SLC8B1: variants seen among roughly 807,000 people sequenced by gnomAD.
SLC8B1 encodes the protein mitochondrial sodium/calcium exchanger protein.
A neutral mutation model predicts 63.4 loss-of-function variants in SLC8B1; 52 were observed. The ratio of observed to expected loss-of-function variants is 0.82; its 90% CI spans 0.66 to 1.03. The LOEUF is 1.03. SLC8B1 is among the 50% of genes least tolerant of loss of function. SLC8B1 has a pLI of 0.00. For missense variants in SLC8B1, 657 were observed against 741.7 expected (o/e 0.89, Z 1.33); for synonymous variants, 336 against 323.9 (o/e 1.04, Z -0.40).
chr12:113,332,583 G>A, intron 2 of SLC8B1, 140 bp downstream of exon 2: 2 of 1,014,886 alleles, frequency 2.0e-6, no homozygotes, highest in South Asian at 3.5e-5. Flanking sequence ...CTTCTTGAGA[G>A]TAGTGAATTT....
At chr12:113,309,394 G>A (rs754683789) in intron 12 of SLC8B1, among the ~76,000 whole-genome samples, 5 of 152,130 alleles carry the variant, frequency 3.3e-5, no homozygotes, top group Non-Finnish European at 5.9e-5. Flanking sequence ...TCTTTAGAGT[G>A]CCTAGACTAG....
At chr12:113,313,999 C>T (rs1489708025) in intron 11 of SLC8B1, among the ~76,000 whole-genome samples, 1 of 151,972 alleles carries the variant, frequency 6.6e-6, no homozygotes, top group Non-Finnish European at 1.5e-5. Context: ...GACAGTCAGA[C>T]TACGTCTCAA....
intron 12 of SLC8B1, 185 bp from the exon 13 acceptor site, chr12:113,308,029 A>G (rs957761119): frequency 7.3e-6 from 5 of 681,362 alleles, no homozygotes; most frequent in Non-Finnish European, 1.1e-5. Flanking sequence ...TGAGTTCAAT[A>G]TTATTTTCTT....
chr12:113,301,378 C>G (rs1361040855), intron 15 of SLC8B1, among the ~76,000 whole-genome samples: 1 of 146,742 alleles, frequency 6.8e-6, no homozygotes, highest in African/African-American at 2.5e-5. Context: ...CTCTTGTTGC[C>G]CAGGCTGGAG....
At chr12:113,319,111 G>C (rs748436497) in intron 7 of SLC8B1, 40 bp from the exon 8 acceptor site, 4 of 1,509,394 alleles carry the variant, frequency 2.7e-6, no homozygotes, top group Admixed American at 1.7e-5. Flanking sequence ...TGGTGTCCTG[G>C]TGCAGGTCTA....
rs1185217726 is a variant in SLC8B1 at position 113,335,088 on chromosome 12, G to C, written c.-728C>G. 2 of 152,452 alleles carry C rather than the reference G, an allele frequency of 1.3e-5. No individual in the cohort carries two copies. Among genetic ancestry groups the C allele is most frequent in the Non-Finnish European group, 2.9e-5 (2 of 68,228 alleles). The allele number at this position is 152,452 out of a possible 1,614,324, so 9.4% of individuals were successfully genotyped here. On this transcript the variant is annotated 5_prime_UTR_variant, in exon 1 of 16. Transcript: ENST00000680972. ...TGGCCGCCGGACCGACCTTGCGCCA[G>C]CGAAGCCGCCAGTCCGGGTGCCCCG... is the stretch of plus-strand genomic sequence containing the variant.
Position 113,321,113 on chromosome 12 carries a change from G to A in SLC8B1, c.310-5C>T, listed in dbSNP as rs1956921058. On this transcript the variant is annotated splice_region_variant and splice_polypyrimidine_tract_variant and intron_variant, in intron 3 of 15. Coordinates refer to ENST00000680972, the MANE Select transcript of SLC8B1 (RefSeq NM_001358345.2). ...CAGGTAGAGCAGCCAGGAAACCTGG[G>A]TGGGGAGCGGGCGAGGAAGGGAGAG... is the stretch of plus-strand genomic sequence containing the variant. 4.3e-6 allele frequency: 7 copies of A among 1,613,952 alleles called. No homozygotes were observed. The East Asian group carries it at 1.3e-4, about 31-fold the overall frequency.
rs755906969 is a variant in SLC8B1 at position 113,310,252 on chromosome 12, C to T, written c.1239G>A (p.Gln413=). The part of the protein sequence containing the change: ...SVTFFATSDS[Q]PPRLHWLFAF... ...TTCTTACCCAGTGAAGCCTGGGGGG[C>T]TGGCTGTCAGATGTGGCAAAAAAGG... The change falls in exon 12 of 16, where the codon CAG becomes CAA. Residue 413 remains glutamine, a synonymous_variant. Coordinates refer to ENST00000680972, the MANE Select transcript of SLC8B1 (RefSeq NM_001358345.2). 2 of 1,613,926 alleles carry T rather than the reference C, an allele frequency of 1.2e-6. No homozygotes were observed. The highest frequency in any genetic ancestry group is 1.7e-6 in the Non-Finnish European group (2 of 1,179,940).
intron 11 of SLC8B1, among the ~76,000 whole-genome samples, chr12:113,312,317 C>T (rs1956775634): frequency 6.6e-6 from 1 of 152,024 alleles, no homozygotes; most frequent in Non-Finnish European, 1.5e-5. Context: ...ACCTGTAATC[C>T]CAGCTACTTG....
At position 113,299,936 on chromosome 12, in the gene SLC8B1, G is replaced by T. The variant is rs751541902; in HGVS notation, c.1596C>A (p.Gly532=). The T allele has an allele frequency of 6.2e-7, 1 of 1,613,864 alleles. No homozygotes were observed. Among genetic ancestry groups the T allele is most frequent in the South Asian group, 1.1e-5 (1 of 91,072 alleles). The change falls in exon 16 of 16, where the codon GGC becomes GGA. Residue 532 remains glycine, a synonymous_variant. Transcript: ENST00000680972. The part of the protein sequence containing the change: ...PDGLLVWVLA[G]ALGLSLVFSL... ...AGAAGACGAGGCTGAGCCCCAGGGCGCCTGCCAGGACCCACACCAGCAGTC... is the reference window on the plus strand; with the variant it reads ...AGAAGACGAGGCTGAGCCCCAGGGCTCCTGCCAGGACCCACACCAGCAGTC...
chr12:113,317,674 G>C (rs1007584682), intron 8 of SLC8B1, among the ~76,000 whole-genome samples: 2 of 152,216 alleles, frequency 1.3e-5, no homozygotes, highest in Admixed American at 6.5e-5. Context: ...GGCCCTCCTC[G>C]AGTGAGGAGT....
At chr12:113,302,840 T>G (rs1389150392) in intron 15 of SLC8B1, 5 of 399,984 alleles carry the variant, frequency 1.3e-5, no homozygotes, top group African/African-American at 4.1e-5. Flanking sequence ...TCTAGACATG[T>G]ACATCAATTC....
intron 2 of SLC8B1, among the ~76,000 whole-genome samples, chr12:113,326,372 T>A (rs60986010): frequency 0.12 from 18,410 of 152,220 alleles, 1,258 homozygotes; most frequent in African/African-American, 0.2. Flanking sequence ...CTTTTTTATT[T>A]ACTTATTTAT....
chr12:113,304,514 A>C (rs1264493680), intron 14 of SLC8B1, 129 bp from the exon 15 acceptor site: 4 of 737,054 alleles, frequency 5.4e-6, no homozygotes, highest in East Asian at 2.9e-5. Flanking sequence ...GGCCAGGCGC[A>C]GTGGCTCATG....
At position 113,315,410 on chromosome 12, in the gene SLC8B1, A is replaced by C. The variant is rs1956821466; in HGVS notation, c.1060T>G (p.Trp354Gly). The C allele has an allele frequency of 6.3e-7, 1 of 1,591,392 alleles. No individual in the cohort carries two copies. Among genetic ancestry groups the C allele is most frequent in the Non-Finnish European group, 8.6e-7 (1 of 1,169,186 alleles). Residue 354 changes from tryptophan to glycine, a missense_variant, in exon 11 of 16, where the codon TGG (tryptophan) becomes GGG (glycine). Trp to Gly is a radical substitution (Grantham distance 184, BLOSUM62 -2). Coordinates refer to ENST00000680972, the MANE Select transcript of SLC8B1 (RefSeq NM_001358345.2). ...TGCAGACAGTTGAGGGGCCGTTTCC[A>C]GTTCTGGTCATCCTTGTCCGGGTCC... is the stretch of plus-strand genomic sequence containing the variant. ...VVDPDKDDQN[W>G]KRPLNCLHLV... is the part of the protein sequence containing the mutation.
chr12:113,325,962 T>G (rs1956992181), intron 2 of SLC8B1, among the ~76,000 whole-genome samples: 1 of 152,174 alleles, frequency 6.6e-6, no homozygotes, highest in South Asian at 2.1e-4. Flanking sequence ...GACTAAGTGA[T>G]TTTGTGTAGC....
chr12:113,324,051 C>T (rs1241375643), intron 2 of SLC8B1, among the ~76,000 whole-genome samples: 1 of 152,174 alleles, frequency 6.6e-6, no homozygotes, highest in Non-Finnish European at 1.5e-5. Flanking sequence ...CTGGCTCACA[C>T]CTGTAATCCC....
chr12:113,321,940 C>A (rs1956937934), intron 2 of SLC8B1, among the ~76,000 whole-genome samples: 1 of 152,042 alleles, frequency 6.6e-6, no homozygotes, highest in African/African-American at 2.4e-5. Context: ...TGCCTATAAT[C>A]CCAGCACTTT....
At chr12:113,314,557 G>C (rs1056765672) in intron 11 of SLC8B1, among the ~76,000 whole-genome samples, 11 of 152,162 alleles carry the variant, frequency 7.2e-5, no homozygotes, top group Non-Finnish European at 8.8e-5. Flanking sequence ...GACATTCTGG[G>C]GCAGATGGGG....
Sources: gnomAD v4.1 joint callset for allele counts (sites outside exome capture counted in the v4.1 genomes callset) on GRCh38, gnomAD v4.1.1 for gene constraint, MANE v1.5 for transcripts, NCBI Gene and HGNC (gene_info 2026-07-23, HGNC 2026-07-21) for gene names.